ADGRL3: variants seen among roughly 807,000 people sequenced by gnomAD.
The protein encoded by ADGRL3 is adhesion G protein-coupled receptor L3.
ADGRL3 carries 62 observed loss-of-function variants against 153.5 expected under a neutral mutation model. The observed-to-expected ratio is 0.40, with a 90% CI of 0.33 to 0.50. The LOEUF is 0.50. Ranked by LOEUF, ADGRL3 falls within the 20% of genes least tolerant of loss-of-function variation. The probability of loss-of-function intolerance (pLI) is 0.47; values close to 1 mark genes in which losing one functional copy is unlikely to be tolerated. For missense variants in ADGRL3, 1,641 were observed against 1,859.4 expected, an observed-to-expected ratio of 0.88 and a Z score of 2.16; for synonymous variants, 710 against 672.5, an observed-to-expected ratio of 1.06 and a Z score of -0.86.
chr4:61,949,447 C>T (rs2098938547), intron 17 of ADGRL3, among the ~76,000 whole-genome samples: 2 of 152,006 alleles, frequency 1.3e-5, no homozygotes, highest in African/African-American at 4.8e-5. Context: ...CCTGTAATCC[C>T]AGCACTTTGG....
chr4:61,893,790 C>G (rs945444374), intron 10 of ADGRL3, among the ~76,000 whole-genome samples: 1 of 150,806 alleles, frequency 6.6e-6, no homozygotes, highest in Non-Finnish European at 1.5e-5. Flanking sequence ...TCGGCTTACC[C>G]TCCGCCTCCA....
chr4:61,587,271 C>A lies in ADGRL3; in HGVS notation c.304C>A (p.Leu102Ile). Residue 102 changes from leucine to isoleucine, a missense_variant, in exon 5 of 27, where the codon CTA becomes ATA. Around this residue, in one of 5 missense-constraint regions of ADGRL3, gnomAD observed 213 missense variants for 362.1 expected, o/e 0.59. Transcript: ENST00000683033. ...TCCAATGGCTGTGGTCCGCAGAGAG[C>A]TATCCTGTGAGAGCTATCCTATAGA... ...PIPMAVVRRE[L>I]SCESYPIELR... is the part of the protein sequence containing the mutation. The A allele has an allele frequency of 6.2e-7, 1 of 1,610,266 alleles. No homozygotes were observed. Among genetic ancestry groups the A allele is most frequent in the Non-Finnish European group, 8.5e-7 (1 of 1,178,092 alleles).
At chr4:61,664,839 A>G (rs995592806) in intron 5 of ADGRL3, among the ~76,000 whole-genome samples, 2 of 152,174 alleles carry the variant, frequency 1.3e-5, no homozygotes, top group African/African-American at 4.8e-5. Flanking sequence ...GTTGTGTAAT[A>G]TAATGTTGTT....
intron 2 of ADGRL3, among the ~76,000 whole-genome samples, chr4:61,479,050 A>T (rs767304297): frequency 2.0e-5 from 3 of 151,952 alleles, no homozygotes; most frequent in Non-Finnish European, 2.9e-5. Flanking sequence ...AACTGTCAAA[A>T]TTTTTCTCTT....
At chr4:61,463,004 A>T (rs1380388543) in intron 2 of ADGRL3, among the ~76,000 whole-genome samples, 1 of 152,176 alleles carries the variant, frequency 6.6e-6, no homozygotes, top group Non-Finnish European at 1.5e-5. Context: ...TTACAGATCT[A>T]ACAGTCTTCT....
chr4:61,371,416 G>T lies in ADGRL3; in HGVS notation c.-239-11708G>T, dbSNP rs1266849922. Among the ~76,000 whole-genome samples the T allele has an allele frequency of 2.6e-5, 4 of 151,636 alleles. No homozygotes were observed. In the East Asian group the frequency reaches 7.8e-4, roughly 29 times the overall value. On this transcript the variant is annotated intron_variant, in intron 1 of 26. Coordinates refer to ENST00000683033, the MANE Select transcript of ADGRL3 (RefSeq NM_001387552.1). The stretch of plus-strand genomic sequence containing the variant: ...GCGCTTCCTTCAGGAGCTCTTTTAG[G>T]GCAGGCCTGGTGGTGACAAAATCTC...
chr4:61,579,235 G>T (rs1455448770), intron 4 of ADGRL3, among the ~76,000 whole-genome samples: 4 of 152,134 alleles, frequency 2.6e-5, no homozygotes. Context: ...TATGCATTTA[G>T]AATTAAATTG....
At position 61,711,458 on chromosome 4, in the gene ADGRL3, TTATATATATA is replaced by T. The variant is rs1167827672; in HGVS notation, c.584-19139_584-19130del. Among the ~76,000 whole-genome samples the T allele has an allele frequency of 7.1e-3, 245 of 34,662 alleles. 16 individuals carry two copies. The highest frequency in any genetic ancestry group is 0.024 in the African/African-American group (234 of 9,872). 22.7% of individuals were successfully genotyped at this position (34,662 alleles called of 152,430 possible). Reference sequence around the variant, plus strand: ...ATACTATCTTAAAACATATGCTTCATTATATATATATATATATATATATATATATATATAC... The same window carrying T: ...ATACTATCTTAAAACATATGCTTCATTATATATATATATATATATATATAC... On this transcript the variant is annotated intron_variant, in intron 6 of 26. Transcript: ENST00000683033.
Position 61,979,710 on chromosome 4 carries a change from T to C in ADGRL3, c.2953T>C (p.Cys985Arg), listed in dbSNP as rs1560460829. 4 of 1,614,026 alleles carry C rather than the reference T, an allele frequency of 2.5e-6. No individual in the cohort carries two copies. The highest frequency in any genetic ancestry group is 3.4e-6 in the Non-Finnish European group (4 of 1,179,908). Residue 985 changes from cysteine (C) to arginine (R), a missense_variant, in exon 18 of 27, where the codon TGC (cysteine) becomes CGC (arginine). Around this residue, in one of 5 missense-constraint regions of ADGRL3, gnomAD observed 734 missense variants for 797.0 expected, o/e 0.92. Transcript: ENST00000683033. ...SDRNTIHKNL[C>R]ISLFVAELLF... ...CCGTAACACCATCCACAAGAACCTCTGCATCAGTCTCTTTGTAGCAGAGCT... is the reference window on the plus strand; with the variant it reads ...CCGTAACACCATCCACAAGAACCTCCGCATCAGTCTCTTTGTAGCAGAGCT...
chr4:61,732,658 T>G (rs2096460948), intron 7 of ADGRL3, 96 bp from the exon 8 acceptor site: 5 of 576,088 alleles, frequency 8.7e-6, no homozygotes, highest in Non-Finnish European at 1.4e-5. Context: ...TGGGTATCTC[T>G]TGTTAGAGTT....
At chr4:61,777,933 C>G (rs1478892691) in intron 8 of ADGRL3, among the ~76,000 whole-genome samples, 1 of 152,058 alleles carries the variant, frequency 6.6e-6, no homozygotes, top group Non-Finnish European at 1.5e-5. Flanking sequence ...GTCTTTCACT[C>G]CAGAGACTTA....
intron 6 of ADGRL3, among the ~76,000 whole-genome samples, chr4:61,689,316 G>A (rs2095499786): frequency 1.3e-5 from 2 of 152,076 alleles, no homozygotes; most frequent in Non-Finnish European, 2.9e-5. Context: ...TTTGGGCCAT[G>A]TTCTTTTATT....
At chr4:61,394,705 T>C (rs2096850426) in intron 2 of ADGRL3, among the ~76,000 whole-genome samples, 1 of 152,020 alleles carries the variant, frequency 6.6e-6, no homozygotes, top group Non-Finnish European at 1.5e-5. Flanking sequence ...AGAAATTGGA[T>C]TGCTTGGTTT....
At chr4:61,749,374 G>T (rs2096720376) in intron 8 of ADGRL3, among the ~76,000 whole-genome samples, 1 of 152,142 alleles carries the variant, frequency 6.6e-6, no homozygotes, top group African/African-American at 2.4e-5. Context: ...ATACCCAAAG[G>T]ACTATAAATC....
At chr4:61,955,461 TTTTTC>T (rs1190989298) in intron 17 of ADGRL3, among the ~76,000 whole-genome samples, 1 of 152,190 alleles carries the variant, frequency 6.6e-6, no homozygotes, top group Non-Finnish European at 1.5e-5. Context: ...TTTGAAATGA[TTTTTC>T]TTTAAGTACA....
intron 5 of ADGRL3, among the ~76,000 whole-genome samples, chr4:61,662,636 C>T (rs1021611595): frequency 2.6e-5 from 4 of 152,124 alleles, no homozygotes; most frequent in Non-Finnish European, 2.9e-5. Context: ...AGGTTAATGG[C>T]GGCAGGAGGC....
intron 2 of ADGRL3, among the ~76,000 whole-genome samples, chr4:61,476,296 C>T (rs548372390): frequency 3.3e-5 from 5 of 151,936 alleles, no homozygotes; most frequent in South Asian, 2.1e-4. Context: ...TGGACGATCT[C>T]GGCTCACTGC....
chr4:61,978,966 T>A (rs1388876790), intron 17 of ADGRL3, among the ~76,000 whole-genome samples: 1 of 152,198 alleles, frequency 6.6e-6, no homozygotes, highest in African/African-American at 2.4e-5. Flanking sequence ...TTCTTTTAGA[T>A]CTTCCCCAAA....
At chr4:62,003,248 T>C (rs1187393977) in intron 21 of ADGRL3, among the ~76,000 whole-genome samples, 1 of 152,156 alleles carries the variant, frequency 6.6e-6, no homozygotes, top group Non-Finnish European at 1.5e-5. Flanking sequence ...TCATGTTTTC[T>C]GATTTCTAGT....
Sources: allele counts gnomAD v4.1 joint callset (sites outside exome capture counted in the v4.1 genomes callset), GRCh38; gene constraint gnomAD v4.1.1; regional missense constraint gnomAD v4.1.1; transcripts MANE v1.5; gene names NCBI Gene and HGNC (gene_info 2026-07-23, HGNC 2026-07-21).